The following DDX60L variants were observed in gnomAD, a reference collection of about 807,000 sequenced individuals.
DDX60L encodes the protein probable ATP-dependent RNA helicase DDX60-like.
In DDX60L, 191 loss-of-function variants were observed where a neutral mutation model predicts 211.6. The observed-to-expected ratio is 0.90, with a 90% confidence interval of 0.80 to 1.02. The LOEUF (loss-of-function observed/expected upper bound fraction) is 1.02. Among genes scored for constraint, DDX60L ranks in the 50% least tolerant of loss-of-function variants. The pLI is 0.00. For missense variants in DDX60L, 2,007 were observed against 1,984.1 expected (o/e 1.01, Z -0.22); for synonymous variants, 706 against 694.1 (o/e 1.02, Z -0.27).
At chr4:168,358,307 A>T in intron 37 of DDX60L, 31 bp from the exon 38 acceptor site, 1 of 1,410,206 alleles carries the variant, frequency 7.1e-7, no homozygotes, top group Non-Finnish European at 9.4e-7. Context: ...ATAAAAAAAT[A>T]ATGAGCCCAC....
chr4:168,402,755 C>T (rs373127625), intron 25 of DDX60L, among the ~76,000 whole-genome samples: 13 of 152,126 alleles, frequency 8.5e-5, no homozygotes, highest in East Asian at 3.9e-4. Flanking sequence ...GAAGTTGACC[C>T]AGCTTGAGCC....
intron 28 of DDX60L, among the ~76,000 whole-genome samples, chr4:168,393,018 T>C (rs959370044): frequency 6.6e-6 from 1 of 152,308 alleles, no homozygotes; most frequent in Non-Finnish European, 1.5e-5. Context: ...ATGAACAAAA[T>C]TGGAGTGACC....
intron 5 of DDX60L, among the ~76,000 whole-genome samples, chr4:168,461,327 T>C (rs1056614600): frequency 1.3e-5 from 2 of 152,176 alleles, no homozygotes; most frequent in South Asian, 4.1e-4. Flanking sequence ...TGACAGCAAC[T>C]GGGGATAAAG....
At chr4:168,441,576 A>G (rs1753842802) in intron 9 of DDX60L, 84 bp from the exon 10 acceptor site, 1 of 1,137,778 alleles carries the variant, frequency 8.8e-7, no homozygotes, top group Non-Finnish European at 1.2e-6. Flanking sequence ...ATAAATTCAT[A>G]GAGCTCTGGA....
chr4:168,459,969 A>C (rs958168111), intron 5 of DDX60L, among the ~76,000 whole-genome samples: 8 of 152,352 alleles, frequency 5.3e-5, no homozygotes, highest in Non-Finnish European at 1.2e-4. Flanking sequence ...TACATGAAGA[A>C]TGTTTCTCAA....
chr4:168,427,140 C>A lies in DDX60L; in HGVS notation c.1860G>T (p.Val620=), dbSNP rs1368576009. The part of the protein sequence containing the change: ...DYLTSCASNS[V]KFGVEMLGLI... Reference sequence around the variant, plus strand: ...ATCCTAACATTTCAACTCCAAATTTCACTGAATTACTTGCACATGATGTCA... The same window carrying A: ...ATCCTAACATTTCAACTCCAAATTTAACTGAATTACTTGCACATGATGTCA... Residue 620 remains valine (V), a synonymous_variant, in exon 14 of 38, where the codon GTG becomes GTT. Transcript: ENST00000682922. 1.2e-6 allele frequency: 2 copies of A among 1,609,466 alleles called. No individual in the cohort carries two copies. The highest frequency in any genetic ancestry group is 1.7e-6 in the Non-Finnish European group (2 of 1,177,280).
At chr4:168,368,796 C>A (rs1407960208) in intron 36 of DDX60L, among the ~76,000 whole-genome samples, 3 of 152,214 alleles carry the variant, frequency 2.0e-5, no homozygotes, top group Non-Finnish European at 4.4e-5. Flanking sequence ...CAAAAGAGAT[C>A]ATTTTGGAGC....
chr4:168,460,087 C>T (rs1278316975), intron 5 of DDX60L, among the ~76,000 whole-genome samples: 1 of 152,002 alleles, frequency 6.6e-6, no homozygotes, highest in African/African-American at 2.4e-5. Context: ...CAGAGATCTG[C>T]TATAAAAAGT....
At chr4:168,442,739 AC>A (rs1328096777) in intron 9 of DDX60L, among the ~76,000 whole-genome samples, 1 of 151,306 alleles carries the variant, frequency 6.6e-6, no homozygotes, top group Non-Finnish European at 1.5e-5. Flanking sequence ...GAGCAGCCTA[AC>A]TGGGAGGCAC....
At chr4:168,379,926 G>T (rs3749498) in intron 30 of DDX60L, 96 bp from the exon 31 acceptor site, 90,148 of 748,626 alleles carry the variant, frequency 0.12, 6,450 homozygotes, top group East Asian at 0.17. Context: ...ATATAGATAA[G>T]GTTACCAGAT....
intron 14 of DDX60L, 57 bp downstream of exon 14, chr4:168,427,013 T>C: frequency 4.7e-6 from 7 of 1,498,830 alleles, no homozygotes; most frequent in Non-Finnish European, 6.3e-6. Flanking sequence ...GTAAATATGT[T>C]AACATCATTA....
chr4:168,359,499 T>C (rs965146238), intron 37 of DDX60L, among the ~76,000 whole-genome samples: 5 of 152,204 alleles, frequency 3.3e-5, no homozygotes, highest in South Asian at 2.1e-4. Flanking sequence ...TCTCCAATCC[T>C]TATCATTCAT....
chr4:168,399,541 C>T (rs183053653), intron 26 of DDX60L, among the ~76,000 whole-genome samples: 10 of 152,264 alleles, frequency 6.6e-5, no homozygotes, highest in African/African-American at 9.6e-5. Context: ...AAGCAACACC[C>T]GTAACAGAAT....
intron 22 of DDX60L, among the ~76,000 whole-genome samples, chr4:168,413,231 T>A (rs1748992205): frequency 6.6e-6 from 1 of 152,162 alleles, no homozygotes; most frequent in Non-Finnish European, 1.5e-5. Flanking sequence ...CAAAGATATG[T>A]GACTTTTCAG....
In DDX60L at chr4:168,442,791, C is replaced by T. The variant is rs528545831; in HGVS notation, c.1139-1299G>A. On this transcript the variant is annotated intron_variant, in intron 9 of 37. Coordinates refer to ENST00000682922, the MANE Select transcript of DDX60L (RefSeq NM_001012967.3). Reference sequence around the variant, plus strand: ...CACTGACACCTCACACGGCAGGGTACTCCAACAGACCTGCAGCTGAGGGTC... The same window carrying T: ...CACTGACACCTCACACGGCAGGGTATTCCAACAGACCTGCAGCTGAGGGTC... Among the ~76,000 whole-genome samples the T allele has an allele frequency of 5.7e-3, 862 of 150,494 alleles. 6 individuals carry two copies. Among genetic ancestry groups the T allele is most frequent in the Middle Eastern group, 0.014 (4 of 292 alleles).
At chr4:168,392,629 A>C (rs1422602719) in intron 28 of DDX60L, among the ~76,000 whole-genome samples, 3 of 152,166 alleles carry the variant, frequency 2.0e-5, no homozygotes, top group African/African-American at 7.2e-5. Flanking sequence ...CGATCACCTG[A>C]GGTGAGGAGT....
At chr4:168,395,110 A>G (rs1745545903) in intron 27 of DDX60L, among the ~76,000 whole-genome samples, 1 of 152,208 alleles carries the variant, frequency 6.6e-6, no homozygotes, top group African/African-American at 2.4e-5. Context: ...CCTCAGGAGG[A>G]AATCCAGCAG....
chr4:168,390,942 T>A, intron 29 of DDX60L, among the ~76,000 whole-genome samples: 1 of 151,344 alleles, frequency 6.6e-6, no homozygotes, highest in Non-Finnish European at 1.5e-5. Flanking sequence ...CTCCAGAAAT[T>A]CCACTAAAAT....
At chr4:168,434,077 T>C (rs538494226) in intron 10 of DDX60L, among the ~76,000 whole-genome samples, 7 of 152,102 alleles carry the variant, frequency 4.6e-5, no homozygotes, top group Non-Finnish European at 8.8e-5. Flanking sequence ...ACTTTGTTTT[T>C]GGTTTGCTGC....
Sources: gnomAD v4.1 joint callset for allele counts (sites outside exome capture counted in the v4.1 genomes callset) on GRCh38, gnomAD v4.1.1 for gene constraint, MANE v1.5 for transcripts, NCBI Gene and HGNC (gene_info 2026-07-23, HGNC 2026-07-21) for gene names.